The following CAMSAP1 variants were observed in gnomAD, a reference collection of about 807,000 sequenced individuals.
CAMSAP1 encodes calmodulin regulated spectrin associated protein 1.
In CAMSAP1, 58 loss-of-function variants were observed where a neutral mutation model predicts 143.5. That is an observed-to-expected ratio of 0.40 (90% CI 0.33 to 0.50). The LOEUF is 0.50. CAMSAP1 is among the 20% of genes least tolerant of loss of function. The pLI is 0.45. For synonymous variants in CAMSAP1, 945 were observed against 859.3 expected, an observed-to-expected ratio of 1.10 and a Z score of -1.74; for missense variants, 1,969 against 2,115.7, an observed-to-expected ratio of 0.93 and a Z score of 1.36.
chr9:135,861,335 C>CA (rs1837185431), intron 5 of CAMSAP1, among the ~76,000 whole-genome samples: 2 of 148,850 alleles, frequency 1.3e-5, no homozygotes, highest in Admixed American at 6.7e-5. Context: ...CCCCCCGAGA[C>CA]AGAGTCTCGC....
Position 135,907,362 on chromosome 9 carries a change from C to T in CAMSAP1, c.-203G>A, listed in dbSNP as rs1838818293. ...CTGCTGCATGCTGCGGGCGCTGAGC[C>T]CGAGCGGAGGAGGTGCCGAGCCCGC... is the stretch of plus-strand genomic sequence containing the variant. On this transcript the variant is annotated 5_prime_UTR_variant, in exon 1 of 17. Coordinates refer to ENST00000389532, the MANE Select transcript of CAMSAP1 (RefSeq NM_015447.4). 5.7e-6 allele frequency: 1 copy of T among 175,082 alleles called. No homozygotes were observed. Among genetic ancestry groups the T allele is most frequent in the Non-Finnish European group, 1.1e-5 (1 of 91,184 alleles). 10.8% of individuals were successfully genotyped at this position (175,082 alleles called of 1,614,324 possible).
chr9:135,835,168 G>A (rs1835978954), intron 7 of CAMSAP1, among the ~76,000 whole-genome samples: 2 of 152,060 alleles, frequency 1.3e-5, no homozygotes, highest in South Asian at 4.1e-4. Context: ...ACTAACAGGA[G>A]GCCCTTACCA....
At chr9:135,893,415 AAAAG>A (rs749011026) in intron 1 of CAMSAP1, among the ~76,000 whole-genome samples, 41 of 152,096 alleles carry the variant, frequency 2.7e-4, no homozygotes, top group Non-Finnish European at 4.7e-4. Context: ...AAAAAAGAGG[AAAAG>A]AAAGAAGAAA....
chr9:135,845,959 T>C (rs1241919368), intron 7 of CAMSAP1, among the ~76,000 whole-genome samples: 9 of 151,096 alleles, frequency 6.0e-5, no homozygotes, highest in African/African-American at 2.2e-4. Context: ...ATTTATAGAT[T>C]CAATGCTATC....
At chr9:135,819,559 T>C (rs1227341852) in intron 11 of CAMSAP1, among the ~76,000 whole-genome samples, 1 of 149,806 alleles carries the variant, frequency 6.7e-6, no homozygotes, top group Non-Finnish European at 1.5e-5. Context: ...ATTGGCTAGA[T>C]GTGGTGGCTC....
intron 1 of CAMSAP1, among the ~76,000 whole-genome samples, chr9:135,896,838 G>A (rs1002220996): frequency 3.3e-5 from 5 of 152,252 alleles, no homozygotes; most frequent in Middle Eastern, 6.8e-3. Flanking sequence ...GGGGCCTTTC[G>A]GGGGTGAATA....
chr9:135,843,164 C>A lies in CAMSAP1; in HGVS notation c.1045+6973G>T, dbSNP rs191241514. Among the ~76,000 whole-genome samples the A allele has an allele frequency of 1.7e-3, 253 of 152,038 alleles. 1 individual carries two copies. Among genetic ancestry groups the A allele is most frequent in the Middle Eastern group, 0.01 (3 of 294 alleles). ...CCAACATGGAGAAACCCCGTCTCTA[C>A]TAAAAATACAAAATTAGCCAGGTGT... On this transcript the variant is annotated intron_variant, in intron 7 of 16. Transcript: ENST00000389532.
chr9:135,818,605 T>G lies in CAMSAP1; in HGVS notation c.3971A>C (p.Glu1324Ala). The G allele has an allele frequency of 6.2e-7, 1 of 1,613,222 alleles. No individual in the cohort carries two copies. Among genetic ancestry groups the G allele is most frequent in the Non-Finnish European group, 8.5e-7 (1 of 1,179,782 alleles). The change falls in exon 13 of 17, where the codon GAG (glutamate) becomes GCG (alanine). Residue 1324 changes from glutamate to alanine, a missense_variant. Glu to Ala is a moderately radical substitution (Grantham distance 107, BLOSUM62 -1). Transcript: ENST00000389532. This position sits in a 1 kb window ranked among gnomAD's most constrained non-coding sequence, Gnocchi z 7.7. The stretch of plus-strand genomic sequence containing the variant: ...CTCCTCCTTCCGCACCCGGTCTTCC[T>G]CAGCTTTGCGCCTGAGAGAAACACA... Reference protein sequence around the residue: ...LKRDEARRKAEEDRVRKEEEK... With the variant: ...LKRDEARRKAAEDRVRKEEEK...
chr9:135,848,169 C>T (rs1454609193), intron 7 of CAMSAP1, among the ~76,000 whole-genome samples: 1 of 151,788 alleles, frequency 6.6e-6, no homozygotes, highest in Non-Finnish European at 1.5e-5. Context: ...GTGTTTCTGG[C>T]TGTAAGATGG....
Position 135,827,626 on chromosome 9 carries a change from C to T in CAMSAP1, c.1046-42G>A, listed in dbSNP as rs762948209. ...TTTGCATCGTTACTTACAACACTAA[C>T]TGGAAGCACAGAAAACCTAACCTGC... On this transcript the variant is annotated intron_variant, in intron 7 of 16. Coordinates refer to ENST00000389532, the MANE Select transcript of CAMSAP1 (RefSeq NM_015447.4). The T allele has an allele frequency of 9.5e-6, 14 of 1,476,602 alleles. No individual in the cohort carries two copies. The South Asian group carries it at 1.7e-4, about 18-fold the overall frequency. The allele number at this position is 1,476,602 out of a possible 1,614,324, so 91.5% of individuals were successfully genotyped here.
At chr9:135,862,373 C>CT (rs55684126) in intron 5 of CAMSAP1, 94 bp downstream of exon 5, 49,981 of 1,022,484 alleles carry the variant, frequency 0.049, 126 homozygotes, top group African/African-American at 0.097. Context: ...TTTTCTTTCT[C>CT]TTTTTTTTTT....
chr9:135,859,105 A>C (rs78608184), intron 5 of CAMSAP1, among the ~76,000 whole-genome samples: 3 of 152,338 alleles, frequency 2.0e-5, no homozygotes, highest in East Asian at 1.9e-4. Context: ...GCAGGAAAAG[A>C]AGCTGCATCT....
chr9:135,826,792 C>T lies in CAMSAP1; in HGVS notation c.1223+615G>A, dbSNP rs979741667. Among the ~76,000 whole-genome samples the T allele has an allele frequency of 6.6e-6, 1 of 152,198 alleles. No homozygotes were observed. The highest frequency in any genetic ancestry group is 2.4e-5 in the African/African-American group (1 of 41,432). On this transcript the variant is annotated intron_variant, in intron 8 of 16. Coordinates refer to ENST00000389532, the MANE Select transcript of CAMSAP1 (RefSeq NM_015447.4). This position sits in a 1 kb window ranked among gnomAD's most constrained non-coding sequence, Gnocchi z 4.4. ...ACACAGCACAAAGCTCACTCTTACT[C>T]CAAGGGAAGCTTCCTTCACCCCCTC...
At position 135,815,834 on chromosome 9, in the gene CAMSAP1, C is replaced by T. The variant is rs938570224; in HGVS notation, c.4387+56G>A. The T allele has an allele frequency of 2.7e-5, 37 of 1,390,416 alleles. No homozygotes were observed. In the Middle Eastern group the frequency reaches 5.3e-4, roughly 20 times the overall value. The allele number at this position is 1,390,416 out of a possible 1,614,324, so 86.1% of individuals were successfully genotyped here. ...TAGAGAACAGATATTGAAAGAGCCA[C>T]GCAAAGGCGTATGGCCATGCCCACG... On this transcript the variant is annotated intron_variant, in intron 15 of 16. Transcript: ENST00000389532.
At chr9:135,842,134 C>T (rs1836373572) in intron 7 of CAMSAP1, among the ~76,000 whole-genome samples, 1 of 152,106 alleles carries the variant, frequency 6.6e-6, no homozygotes, top group Non-Finnish European at 1.5e-5. Context: ...ACTAGAATAA[C>T]CAGCTTAGAG....
chr9:135,822,728 C>T lies in CAMSAP1; in HGVS notation c.1933G>A (p.Asp645Asn), dbSNP rs768129723. 4.3e-6 allele frequency: 7 copies of T among 1,612,246 alleles called. No homozygotes were observed. In the South Asian group the frequency reaches 5.5e-5, roughly 13 times the overall value. ...ATCGGGGTAAAAGTCCTATTCAAGT[C>T]GCGACTGCCAGTCATTTTCCTTCGT... Reference protein sequence around the residue: ...LVRRKMTGSRDLNRTFTPIPC... With the variant: ...LVRRKMTGSRNLNRTFTPIPC... Residue 645 changes from aspartate to asparagine, a missense_variant, in exon 11 of 17, where the codon GAC (aspartate) becomes AAC (asparagine). Asp to Asn is a conservative substitution (Grantham distance 23). Around this residue, in one of 4 missense-constraint regions of CAMSAP1, gnomAD observed 1,390 missense variants for 1,420.8 expected, o/e 0.98. Coordinates refer to ENST00000389532, the MANE Select transcript of CAMSAP1 (RefSeq NM_015447.4). The surrounding 1 kb of genome is among the most constrained non-coding windows in gnomAD (Gnocchi z 6.1).
At chr9:135,883,187 C>T (rs1294314458) in intron 1 of CAMSAP1, 109 bp from the exon 2 acceptor site, 4 of 1,180,418 alleles carry the variant, frequency 3.4e-6, no homozygotes, top group Non-Finnish European at 4.7e-6. Context: ...GCCTGGGCAA[C>T]ACAGGGAGAC....
rs955689372 is a variant in CAMSAP1, at chr9:135,820,943, C to T, written c.3718G>A (p.Asp1240Asn). 2 of 1,613,580 alleles carry T rather than the reference C, an allele frequency of 1.2e-6. No individual in the cohort carries two copies. Among genetic ancestry groups the T allele is most frequent in the Admixed American group, 1.7e-5 (1 of 59,986 alleles). The change falls in exon 11 of 17, where the codon GAC becomes AAC. Residue 1240 changes from aspartate (D) to asparagine (N), a missense_variant. By Grantham distance (23) the Asp-to-Asn change is conservative (BLOSUM62 1). Coordinates refer to ENST00000389532, the MANE Select transcript of CAMSAP1 (RefSeq NM_015447.4). The surrounding 1 kb of genome is among the most constrained non-coding windows in gnomAD (Gnocchi z 4.4). ...RASLIEVDLS[D>N]LKAPDEDGEL... ...CCATCCTCGTCGGGGGCCTTCAGGTCGGAGAGGTCCACTTCAATGAGGCTG... is the reference window on the plus strand; with the variant it reads ...CCATCCTCGTCGGGGGCCTTCAGGTTGGAGAGGTCCACTTCAATGAGGCTG...
chr9:135,816,989 C>T (rs1835251317), intron 14 of CAMSAP1, among the ~76,000 whole-genome samples: 1 of 152,228 alleles, frequency 6.6e-6, no homozygotes, highest in Non-Finnish European at 1.5e-5. Flanking sequence ...CGCACACTCA[C>T]TTCTGGGCTG....
Sources: gnomAD v4.1 joint callset for allele counts (sites outside exome capture counted in the v4.1 genomes callset) on GRCh38, gnomAD v4.1.1 for gene constraint, gnomAD v4.1.1 regional missense constraint, Gnocchi (gnomAD v3.1) non-coding constraint, MANE v1.5 for transcripts, NCBI Gene and HGNC (gene_info 2026-07-23, HGNC 2026-07-21) for gene names.